SLCO2B1: variants seen among roughly 807,000 people sequenced by gnomAD.
SLCO2B1 encodes OATP-RP2.
SLCO2B1 carries 41 observed loss-of-function variants against 67.3 expected under a neutral mutation model. The ratio of observed to expected loss-of-function variants is 0.61; its 90% confidence interval spans 0.47 to 0.79. SLCO2B1 has a LOEUF of 0.79. Among genes scored for constraint, SLCO2B1 ranks in the 30% least tolerant of loss-of-function variants. SLCO2B1 has a pLI of 0.00. For synonymous variants in SLCO2B1, 379 were observed against 381.4 expected, an observed-to-expected ratio of 0.99 and a Z score of 0.07; for missense variants, 837 against 920.1, an observed-to-expected ratio of 0.91 and a Z score of 1.17.
At chr11:75,180,106 C>T (rs192865993) in intron 7 of SLCO2B1, among the ~76,000 whole-genome samples, 229 of 152,362 alleles carry the variant, frequency 1.5e-3, no homozygotes, top group African/African-American at 5.0e-3. Flanking sequence ...CAACCTCTGT[C>T]TCTCGGGCTC....
At chr11:75,185,694 T>C (rs1944914553) in intron 7 of SLCO2B1, among the ~76,000 whole-genome samples, 1 of 151,724 alleles carries the variant, frequency 6.6e-6, no homozygotes, top group Non-Finnish European at 1.5e-5. Flanking sequence ...AGCAAGTTTA[T>C]TAAGAAAGTA....
rs113170069 is a variant in SLCO2B1 at position 75,173,840 on chromosome 11, A to G, written c.972+1271A>G. Reference sequence around the variant, plus strand: ...TTTATTTATTTTTATTTTTTGAGACAGAGTCTTACCCTATTGCCCAGGCTA... The same window carrying G: ...TTTATTTATTTTTATTTTTTGAGACGGAGTCTTACCCTATTGCCCAGGCTA... On this transcript the variant is annotated intron_variant, in intron 7 of 13. Transcript: ENST00000289575. Among the ~76,000 whole-genome samples the G allele has an allele frequency of 3.4e-3, 513 of 152,370 alleles. 4 individuals carry two copies. The highest frequency in any genetic ancestry group is 0.012 in the African/African-American group (497 of 41,592).
chr11:75,166,398 A>G (rs1949893140), intron 4 of SLCO2B1, among the ~76,000 whole-genome samples: 1 of 152,222 alleles, frequency 6.6e-6, no homozygotes, highest in Admixed American at 6.5e-5. Flanking sequence ...TGAATGAGTG[A>G]ATGAACAAAT....
intron 2 of SLCO2B1, among the ~76,000 whole-genome samples, chr11:75,163,613 C>T (rs747644054): frequency 2.0e-5 from 3 of 152,102 alleles, no homozygotes; most frequent in African/African-American, 7.2e-5. Flanking sequence ...ACCCTACTCT[C>T]GGTCTTGTGG....
chr11:75,181,963 C>T (rs1354499871), intron 7 of SLCO2B1, among the ~76,000 whole-genome samples: 3 of 152,202 alleles, frequency 2.0e-5, no homozygotes, highest in Non-Finnish European at 4.4e-5. Flanking sequence ...ACAGATAGGG[C>T]TCCCAATAGC....
rs894936574 is a variant in SLCO2B1, at chr11:75,205,846, A to C, written c.*1266A>C. On this transcript the variant is annotated 3_prime_UTR_variant, in exon 14 of 14. Transcript: ENST00000289575. ...TGCTAATCTGCTCCCAGCCCAACCT[A>C]TTACCACCCCACCTCGCTGGGACCT... The C allele has an allele frequency of 3.3e-5, 5 of 152,030 alleles. No homozygotes were observed. The highest frequency in any genetic ancestry group is 7.4e-5 in the Non-Finnish European group (5 of 68,012). 9.4% of individuals were successfully genotyped at this position (152,030 alleles called of 1,614,324 possible). A position where few individuals can be genotyped will look rare whatever the true frequency, so the allele number is the denominator to read the frequency against.
In SLCO2B1 at chr11:75,206,092, C is replaced by T. The variant is rs1338304220; in HGVS notation, c.*1512C>T. 2 of 152,190 alleles carry T rather than the reference C, an allele frequency of 1.3e-5. No homozygotes were observed. Among genetic ancestry groups the T allele is most frequent in the African/African-American group, 4.8e-5 (2 of 41,440 alleles). The allele number at this position is 152,190 out of a possible 1,614,324, so 9.4% of individuals were successfully genotyped here. A position where few individuals can be genotyped will look rare whatever the true frequency, so the allele number is the denominator to read the frequency against. ...GTATCTGTAAATGTTTAATAAATAT[C>T]TGAGCATGTATCTATCAACGCCAAG... On this transcript the variant is annotated 3_prime_UTR_variant, in exon 14 of 14. Transcript: ENST00000289575.
chr11:75,176,358 C>A (rs906873250), intron 7 of SLCO2B1, among the ~76,000 whole-genome samples: 1 of 152,216 alleles, frequency 6.6e-6, no homozygotes, highest in Non-Finnish European at 1.5e-5. Context: ...GCCATGAGGA[C>A]CCCTGTCCCT....
rs1945061058 is a variant in SLCO2B1, at chr11:75,193,684, G to T, written c.1433+109G>T. The T allele has an allele frequency of 1.0e-6, 1 of 992,588 alleles. No individual in the cohort carries two copies. The highest frequency in any genetic ancestry group is 2.6e-5 in the Admixed American group (1 of 37,986). 61.5% of individuals were successfully genotyped at this position (992,588 alleles called of 1,614,324 possible). ...CAGGGCAACCCCTGCCTCAAATCTT[G>T]CCTCCCCAGTTCTGCTTAACAGCCC... On this transcript the variant is annotated intron_variant, in intron 9 of 13. Transcript: ENST00000289575. This position sits in a 1 kb window ranked among gnomAD's most constrained non-coding sequence, Gnocchi z 4.2.
rs761625607 is a variant in SLCO2B1, at chr11:75,172,394, C to A, written c.797C>A (p.Thr266Asn). ...TCTCTTCCAGGTGGTATCAGCCTGA[C>A]CATAAAGGACCCCCGATGGGTGGGT... ...NQMPEGGISL[T>N]IKDPRWVGAW... is the part of the protein sequence containing the mutation. The change falls in exon 7 of 14, where the codon ACC becomes AAC. Residue 266 changes from threonine (T) to asparagine (N), a missense_variant. By Grantham distance (65) the Thr-to-Asn change is moderately conservative. Transcript: ENST00000289575. 8 of 1,613,700 alleles carry A rather than the reference C, an allele frequency of 5.0e-6. No homozygotes were observed. Among genetic ancestry groups the A allele is most frequent in the Non-Finnish European group, 5.9e-6 (7 of 1,179,732 alleles).
chr11:75,177,025 G>A (rs558728730), intron 7 of SLCO2B1, among the ~76,000 whole-genome samples: 1 of 152,176 alleles, frequency 6.6e-6, no homozygotes, highest in Non-Finnish European at 1.5e-5. Flanking sequence ...TGCACATAGA[G>A]CTTCCTTTAA....
intron 7 of SLCO2B1, among the ~76,000 whole-genome samples, chr11:75,179,218 ATTT>A (rs373993870): frequency 7.5e-5 from 5 of 66,648 alleles, no homozygotes; most frequent in Admixed American, 2.1e-4. Context: ...GATACATGAG[ATTT>A]TTTTTTTTTT....
chr11:75,169,767 G>A lies in SLCO2B1; in HGVS notation c.781+3G>A. On this transcript the variant is annotated splice_donor_region_variant and intron_variant, in intron 6 of 13. Coordinates refer to ENST00000289575, the MANE Select transcript of SLCO2B1 (RefSeq NM_007256.5). ...GGACATTAACCAGATGCCAGAAGGTGAGCCTCAGGAGCACATGTTTGCTAG... is the reference window on the plus strand; with the variant it reads ...GGACATTAACCAGATGCCAGAAGGTAAGCCTCAGGAGCACATGTTTGCTAG... 6.2e-7 allele frequency: 1 copy of A among 1,612,294 alleles called. No homozygotes were observed. Among genetic ancestry groups the A allele is most frequent in the Non-Finnish European group, 8.5e-7 (1 of 1,178,362 alleles).
Position 75,170,263 on chromosome 11 carries a change from G to A in SLCO2B1, c.781+499G>A, listed in dbSNP as rs191163150. ...ATTACCCTGGGCCTCTCTCAGATGG[G>A]ACATTTACTGTGACCTCTAAGAACC... On this transcript the variant is annotated intron_variant, in intron 6 of 13. Coordinates refer to ENST00000289575, the MANE Select transcript of SLCO2B1 (RefSeq NM_007256.5). Among the ~76,000 whole-genome samples the A allele has an allele frequency of 2.0e-5, 3 of 152,316 alleles. No individual in the cohort carries two copies. In the East Asian group the frequency reaches 5.8e-4, roughly 29 times the overall value.
At chr11:75,188,387 A>G (rs536807719) in intron 8 of SLCO2B1, 149 bp downstream of exon 8, 154 of 620,372 alleles carry the variant, frequency 2.5e-4, no homozygotes, top group Non-Finnish European at 4.0e-4. Flanking sequence ...GTCTTTGCAC[A>G]TGCAATCCTC....
At chr11:75,204,249 G>T in intron 13 of SLCO2B1, 151 bp from the exon 14 acceptor site, 1 of 768,692 alleles carries the variant, frequency 1.3e-6, no homozygotes. Flanking sequence ...CCTCTGCAGA[G>T]CCTCTCCCCC....
chr11:75,166,520 A>G (rs1211126900), intron 4 of SLCO2B1, among the ~76,000 whole-genome samples: 2 of 151,946 alleles, frequency 1.3e-5, no homozygotes, highest in Admixed American at 6.6e-5. Flanking sequence ...GACCCTAACA[A>G]CCTGATCGTT....
intron 8 of SLCO2B1, among the ~76,000 whole-genome samples, chr11:75,189,067 G>A (rs1252040742): frequency 6.6e-6 from 1 of 152,172 alleles, no homozygotes; most frequent in South Asian, 2.1e-4. Context: ...CTGGGCCTCC[G>A]TTTCCCCATC....
In SLCO2B1 at chr11:75,169,222, G is replaced by T. The variant is rs147147496; in HGVS notation, c.498G>T (p.Ser166=). Residue 166 remains serine, a synonymous_variant, in exon 5 of 14, where the codon TCG becomes TCT. Coordinates refer to ENST00000289575, the MANE Select transcript of SLCO2B1 (RefSeq NM_007256.5). ...CTTCCCTGTGCCTGCCCACAACCTC[G>T]GCCCCAGCCTCGGCCCCCTCCAATG... ...FKASLCLPTT[S]APASAPSNGN... 1.9e-6 allele frequency: 3 copies of T among 1,614,048 alleles called. No individual in the cohort carries two copies. Among genetic ancestry groups the T allele is most frequent in the Middle Eastern group, 1.6e-4 (1 of 6,062 alleles).
Sources: gnomAD v4.1 joint callset for allele counts (sites outside exome capture counted in the v4.1 genomes callset) on GRCh38, gnomAD v4.1.1 for gene constraint, Gnocchi (gnomAD v3.1) non-coding constraint, MANE v1.5 for transcripts, NCBI Gene and HGNC (gene_info 2026-07-23, HGNC 2026-07-21) for gene names.